SMYD3: variants seen among roughly 807,000 people sequenced by gnomAD.
SMYD3 encodes histone-lysine N-methyltransferase SMYD3.
Under a neutral mutation model 57.7 loss-of-function variants are expected in SMYD3, and 36 were observed. The observed-to-expected ratio is 0.62, with a 90% CI of 0.48 to 0.82. The LOEUF (loss-of-function observed/expected upper bound fraction) is 0.82. Ranked by LOEUF, SMYD3 falls within the 40% of genes least tolerant of loss-of-function variation. The probability of loss-of-function intolerance (pLI) is 0.00; values close to 1 mark genes in which losing one functional copy is unlikely to be tolerated. For missense variants in SMYD3, 515 were observed against 538.8 expected (o/e 0.96, Z 0.44); for synonymous variants, 211 against 195.0 (o/e 1.08, Z -0.68).
intron 5 of SMYD3, among the ~76,000 whole-genome samples, chr1:246,014,697 T>G (rs2059346491): frequency 6.6e-6 from 1 of 152,128 alleles, no homozygotes; most frequent in African/African-American, 2.4e-5. Flanking sequence ...AATTTCCTAT[T>G]AAAATACCCA....
chr1:246,127,148 G>C (rs2061521781), intron 5 of SMYD3, among the ~76,000 whole-genome samples: 1 of 152,038 alleles, frequency 6.6e-6, no homozygotes, highest in African/African-American at 2.4e-5. Context: ...GATTAGAAGA[G>C]AGAAATACAG....
chr1:246,219,139 C>T (rs796540326), intron 5 of SMYD3, among the ~76,000 whole-genome samples: 29 of 152,266 alleles, frequency 1.9e-4, no homozygotes, highest in African/African-American at 7.0e-4. Flanking sequence ...CAACAAAACC[C>T]CACCTTCAAG....
chr1:246,382,964 C>G (rs1262774127), intron 1 of SMYD3, among the ~76,000 whole-genome samples: 1 of 152,194 alleles, frequency 6.6e-6, no homozygotes, highest in African/African-American at 2.4e-5. Flanking sequence ...GCTCAGTCAA[C>G]AGACTCACCC....
intron 8 of SMYD3, among the ~76,000 whole-genome samples, chr1:245,914,948 G>C (rs2055292125): frequency 1.3e-5 from 2 of 152,100 alleles, no homozygotes; most frequent in Admixed American, 1.3e-4. Context: ...GGTTGGGGTA[G>C]GGGTGGTAGG....
intron 5 of SMYD3, among the ~76,000 whole-genome samples, chr1:246,312,123 G>A (rs2065091085): frequency 6.6e-6 from 1 of 152,134 alleles, no homozygotes; most frequent in Admixed American, 6.5e-5. Context: ...CGACCCTCAA[G>A]CTGCTTGCAG....
At chr1:245,909,459 C>T (rs991065778) in intron 8 of SMYD3, among the ~76,000 whole-genome samples, 1 of 152,014 alleles carries the variant, frequency 6.6e-6, no homozygotes, top group Admixed American at 6.6e-5. Flanking sequence ...ATATATAAAA[C>T]CAGCATTATG....
At chr1:246,218,330 G>C (rs975409173) in intron 5 of SMYD3, among the ~76,000 whole-genome samples, 2 of 152,024 alleles carry the variant, frequency 1.3e-5, no homozygotes, top group African/African-American at 2.4e-5. Context: ...AGCTTTAAAA[G>C]TAGTGGCAAC....
intron 1 of SMYD3, among the ~76,000 whole-genome samples, chr1:246,466,266 A>T (rs2067878968): frequency 6.6e-6 from 1 of 152,260 alleles, no homozygotes; most frequent in African/African-American, 2.4e-5. Context: ...TATTCACAAT[A>T]GCAAAAGCTG....
chr1:245,916,916 C>T (rs2055467740), intron 7 of SMYD3, among the ~76,000 whole-genome samples: 1 of 152,024 alleles, frequency 6.6e-6, no homozygotes, highest in Non-Finnish European at 1.5e-5. Context: ...CCAGTGCGCA[C>T]TGTGGGTTAC....
chr1:245,753,974 T>A (rs1260493380), intron 11 of SMYD3, among the ~76,000 whole-genome samples: 1 of 152,122 alleles, frequency 6.6e-6, no homozygotes, highest in African/African-American at 2.4e-5. Flanking sequence ...TGGTAGCATT[T>A]AAAAAGAGCC....
intron 8 of SMYD3, among the ~76,000 whole-genome samples, chr1:245,896,878 G>A (rs1292558973): frequency 1.8e-5 from 1 of 56,752 alleles, no homozygotes; most frequent in East Asian, 6.4e-4. Context: ...CTACCAGACA[G>A]AAGGGAAGAG....
At chr1:246,319,921 A>C (rs905610382) in intron 5 of SMYD3, among the ~76,000 whole-genome samples, 6 of 152,218 alleles carry the variant, frequency 3.9e-5, no homozygotes, top group African/African-American at 1.4e-4. Flanking sequence ...TATATACTTC[A>C]CTAAAATTAT....
intron 10 of SMYD3, among the ~76,000 whole-genome samples, chr1:245,775,157 C>T (rs2046522350): frequency 6.6e-6 from 1 of 152,184 alleles, no homozygotes; most frequent in Non-Finnish European, 1.5e-5. Flanking sequence ...CGCCCGGCAG[C>T]CGCCCCCTCC....
At chr1:245,993,651 C>G (rs895085016) in intron 5 of SMYD3, among the ~76,000 whole-genome samples, 1 of 148,058 alleles carries the variant, frequency 6.8e-6, no homozygotes, top group African/African-American at 2.5e-5. Flanking sequence ...GACAGACAGA[C>G]AGACAGACAG....
chr1:245,863,557 T>C lies in SMYD3; in HGVS notation c.901+242A>G, dbSNP rs1469742473. ...TTACTTTCCTACTACTGCTAGGCCATGAGTTTTGATTATTACCTAACGGTA... is the reference window on the plus strand; with the variant it reads ...TTACTTTCCTACTACTGCTAGGCCACGAGTTTTGATTATTACCTAACGGTA... On this transcript the variant is annotated intron_variant, in intron 9 of 11. Coordinates refer to ENST00000490107, the MANE Select transcript of SMYD3 (RefSeq NM_001167740.2). 7.2e-5 allele frequency among the ~76,000 whole-genome samples: 11 copies of C among 152,192 alleles called. No individual in the cohort carries two copies. In the East Asian group the frequency reaches 1.9e-3, roughly 27 times the overall value.
chr1:246,058,768 GA>G, intron 5 of SMYD3, among the ~76,000 whole-genome samples: 1 of 152,114 alleles, frequency 6.6e-6, no homozygotes, highest in South Asian at 2.1e-4. Flanking sequence ...AAAATTGTTG[GA>G]AATTTTCAAA....
At chr1:246,284,124 G>A (rs1198919677) in intron 5 of SMYD3, among the ~76,000 whole-genome samples, 1 of 152,180 alleles carries the variant, frequency 6.6e-6, no homozygotes, top group African/African-American at 2.4e-5. Context: ...AAGCACCGGT[G>A]AGTATGCTGC....
chr1:246,481,069 G>T (rs948400140), intron 1 of SMYD3, among the ~76,000 whole-genome samples: 2 of 152,058 alleles, frequency 1.3e-5, no homozygotes, highest in Non-Finnish European at 2.9e-5. Flanking sequence ...CAAAGTGCTG[G>T]GATTACAGCC....
At chr1:245,956,711 G>A (rs1339374216) in intron 5 of SMYD3, among the ~76,000 whole-genome samples, 7 of 152,086 alleles carry the variant, frequency 4.6e-5, no homozygotes, top group Admixed American at 3.3e-4. Context: ...AGCCTGCTTC[G>A]GTACTCTGGG....
Sources: gnomAD v4.1 joint callset for allele counts (sites outside exome capture counted in the v4.1 genomes callset) on GRCh38, gnomAD v4.1.1 for gene constraint, MANE v1.5 for transcripts, NCBI Gene and HGNC (gene_info 2026-07-23, HGNC 2026-07-21) for gene names.